The following NRXN3 variants were observed in gnomAD, a reference collection of about 807,000 sequenced individuals.
NRXN3 encodes the protein neurexin 3.
Under a neutral mutation model 137.6 loss-of-function variants are expected in NRXN3, and 32 were observed. That is an observed-to-expected ratio of 0.23 (90% CI 0.18 to 0.31). The LOEUF is 0.31. Ranked by LOEUF, NRXN3 falls within the 10% of genes least tolerant of loss-of-function variation. NRXN3 has a pLI of 1.00. For missense variants in NRXN3, 1,574 were observed against 2,062.5 expected, an observed-to-expected ratio of 0.76 and a Z score of 4.59; for synonymous variants, 798 against 784.5, an observed-to-expected ratio of 1.02 and a Z score of -0.29.
chr14:78,634,467 C>T (rs2097549734), intron 4 of NRXN3, among the ~76,000 whole-genome samples: 1 of 152,138 alleles, frequency 6.6e-6, no homozygotes, highest in African/African-American at 2.4e-5. Context: ...ATCAAATAAC[C>T]AAAGAATCAT....
At chr14:79,550,224 C>T (rs2097361330) in intron 16 of NRXN3, among the ~76,000 whole-genome samples, 1 of 152,108 alleles carries the variant, frequency 6.6e-6, no homozygotes, top group South Asian at 2.1e-4. Flanking sequence ...CCGCCTCAGC[C>T]TTCCAAAGTG....
intron 4 of NRXN3, among the ~76,000 whole-genome samples, chr14:78,392,475 G>A (rs1350962790): frequency 6.6e-6 from 1 of 152,128 alleles, no homozygotes; most frequent in Non-Finnish European, 1.5e-5. Context: ...TTAAATCCTC[G>A]AGTAGTGGCT....
intron 10 of NRXN3, among the ~76,000 whole-genome samples, chr14:78,879,679 T>C (rs184605384): frequency 4.6e-5 from 7 of 152,338 alleles, no homozygotes; most frequent in Non-Finnish European, 8.8e-5. Context: ...TGTGAAAGCT[T>C]AATTCCCTGT....
intron 15 of NRXN3, among the ~76,000 whole-genome samples, chr14:79,183,843 T>G (rs1204722594): frequency 3.3e-5 from 5 of 152,216 alleles, no homozygotes; most frequent in Admixed American, 1.3e-4. Flanking sequence ...TTGACTTCCA[T>G]AGCGTAGCCT....
At chr14:79,000,509 A>T (rs1423370248) in intron 15 of NRXN3, among the ~76,000 whole-genome samples, 1 of 152,154 alleles carries the variant, frequency 6.6e-6, no homozygotes, top group Non-Finnish European at 1.5e-5. Context: ...TTCCACCTAA[A>T]TTCTCGATAT....
chr14:79,237,391 T>A (rs1184872273), intron 15 of NRXN3, among the ~76,000 whole-genome samples: 1 of 152,008 alleles, frequency 6.6e-6, no homozygotes, highest in African/African-American at 2.4e-5. Context: ...AACAGAGCTA[T>A]AAAAATTCAA....
Position 79,701,874 on chromosome 14 carries a change from G to A in NRXN3, c.4014+3937G>A, listed in dbSNP as rs1389377297. On this transcript the variant is annotated intron_variant, in intron 19 of 20. Transcript: ENST00000335750. Reference sequence around the variant, plus strand: ...TTATATGATTGTCATAAGGATAACTGAGTTGATATAAGTAAAATGCTTAAA... The same window carrying A: ...TTATATGATTGTCATAAGGATAACTAAGTTGATATAAGTAAAATGCTTAAA... 2.6e-5 allele frequency among the ~76,000 whole-genome samples: 4 copies of A among 152,038 alleles called. No individual in the cohort carries two copies. In the East Asian group the frequency reaches 7.7e-4, roughly 29 times the overall value.
At chr14:79,614,070 G>A (rs1486705874) in intron 16 of NRXN3, among the ~76,000 whole-genome samples, 1 of 152,146 alleles carries the variant, frequency 6.6e-6, no homozygotes, top group Non-Finnish European at 1.5e-5. Context: ...TATCTGCTAT[G>A]GTTGTTAGAA....
chr14:78,746,953 C>A (rs1172777295), intron 8 of NRXN3, among the ~76,000 whole-genome samples: 1 of 152,102 alleles, frequency 6.6e-6, no homozygotes, highest in Non-Finnish European at 1.5e-5. Flanking sequence ...ACATGGATGC[C>A]TGGCTCTGGG....
At chr14:78,636,792 G>A (rs993685456) in intron 4 of NRXN3, among the ~76,000 whole-genome samples, 1 of 152,082 alleles carries the variant, frequency 6.6e-6, no homozygotes, top group Admixed American at 6.5e-5. Flanking sequence ...ACAGGCATGT[G>A]CAGTACAATT....
intron 16 of NRXN3, among the ~76,000 whole-genome samples, chr14:79,483,817 A>G (rs895746868): frequency 2.0e-5 from 3 of 152,066 alleles, no homozygotes; most frequent in African/African-American, 7.2e-5. Context: ...AAAAACCTAA[A>G]CAGAGCAACA....
At chr14:79,813,114 A>T (rs1421623050) in intron 20 of NRXN3, among the ~76,000 whole-genome samples, 1 of 152,122 alleles carries the variant, frequency 6.6e-6, no homozygotes, top group East Asian at 1.9e-4. Flanking sequence ...AGCCCCTACC[A>T]TCAGTCATGT....
chr14:78,618,651 C>G (rs759858266), intron 4 of NRXN3, among the ~76,000 whole-genome samples: 68 of 152,182 alleles, frequency 4.5e-4, no homozygotes, highest in Non-Finnish European at 7.9e-4. Flanking sequence ...CCTTAGCGAG[C>G]TTCCTCCATG....
intron 8 of NRXN3, among the ~76,000 whole-genome samples, chr14:78,730,425 A>G (rs574416651): frequency 5.9e-5 from 9 of 151,872 alleles, no homozygotes; most frequent in Non-Finnish European, 1.3e-4. Flanking sequence ...TTCCCTGATA[A>G]ACCCCACACA....
At chr14:78,177,736 A>G (rs1279673728) in intron 1 of NRXN3, 1 of 152,192 alleles carries the variant, frequency 6.6e-6, no homozygotes, top group African/African-American at 2.4e-5. Context: ...CCCCAGCTCT[A>G]CTTTCACTTA....
chr14:79,828,226 C>T (rs2099311347), intron 20 of NRXN3, among the ~76,000 whole-genome samples: 1 of 152,110 alleles, frequency 6.6e-6, no homozygotes, highest in African/African-American at 2.4e-5. Flanking sequence ...GTGAATTCTC[C>T]GATCCTGTAC....
At chr14:78,868,766 A>G (rs890253544) in intron 10 of NRXN3, among the ~76,000 whole-genome samples, 2 of 152,120 alleles carry the variant, frequency 1.3e-5, no homozygotes, top group Non-Finnish European at 2.9e-5. Flanking sequence ...GGTTGTGGTG[A>G]GCCGAGATTG....
chr14:78,920,163 C>T (rs1432976065), intron 10 of NRXN3, among the ~76,000 whole-genome samples: 1 of 152,088 alleles, frequency 6.6e-6, no homozygotes, highest in African/African-American at 2.4e-5. Flanking sequence ...TCATGTCGTC[C>T]CCACTCAGAG....
intron 16 of NRXN3, among the ~76,000 whole-genome samples, chr14:79,531,977 T>C (rs990837413): frequency 6.6e-6 from 1 of 152,234 alleles, no homozygotes; most frequent in Non-Finnish European, 1.5e-5. Flanking sequence ...CCTTCACCTT[T>C]ATTGCTGTTA....
Sources: gnomAD v4.1 joint callset for allele counts (sites outside exome capture counted in the v4.1 genomes callset) on GRCh38, gnomAD v4.1.1 for gene constraint, MANE v1.5 for transcripts, NCBI Gene and HGNC (gene_info 2026-07-23, HGNC 2026-07-21) for gene names.